CPZ: variants seen among roughly 807,000 people sequenced by gnomAD.
CPZ encodes carboxypeptidase Z.
In CPZ, 103 loss-of-function variants were observed where a neutral mutation model predicts 61.8. That is an observed-to-expected ratio of 1.67 (90% CI 1.42 to 1.96). CPZ has a LOEUF of 1.96. CPZ is among the 30% of genes most tolerant of loss of function. The pLI, the probability that CPZ is intolerant of heterozygous loss-of-function variation, is 0.00. For synonymous variants in CPZ, 551 were observed against 373.7 expected, an observed-to-expected ratio of 1.47 and a Z score of -5.47; for missense variants, 1,461 against 914.9, an observed-to-expected ratio of 1.60 and a Z score of -7.70.
At chr4:8,605,943 C>T (rs796447794) in intron 4 of CPZ, 46 bp from the exon 5 acceptor site, 3 of 1,578,710 alleles carry the variant, frequency 1.9e-6, no homozygotes, top group Admixed American at 1.7e-5. Context: ...CCTTTGGGGA[C>T]CCCCGGCTTT....
intron 7 of CPZ, among the ~76,000 whole-genome samples, chr4:8,611,590 T>C (rs1035059800): frequency 2.0e-5 from 3 of 152,170 alleles, no homozygotes; most frequent in Non-Finnish European, 2.9e-5. Flanking sequence ...TGATTATTCA[T>C]AGAAGTAGTT....
chr4:8,593,785 T>G (rs1270116873), intron 1 of CPZ, among the ~76,000 whole-genome samples: 1 of 152,258 alleles, frequency 6.6e-6, no homozygotes, highest in African/African-American at 2.4e-5. Flanking sequence ...CCCACCCCAG[T>G]GCGCTGTGTC....
chr4:8,613,085 C>T (rs6828725), intron 8 of CPZ, among the ~76,000 whole-genome samples: 3,939 of 151,976 alleles, frequency 0.026, 189 homozygotes, highest in African/African-American at 0.09. Flanking sequence ...TGACTGGGGT[C>T]TGCAACAGAC....
intron 9 of CPZ, among the ~76,000 whole-genome samples, chr4:8,617,010 C>G (rs1184358265): frequency 1.3e-5 from 2 of 152,176 alleles, no homozygotes; most frequent in Non-Finnish European, 2.9e-5. Flanking sequence ...GAGATAAGTG[C>G]TAGCATGTGC....
chr4:8,612,186 T>TGGGGTGGGGGTGGGGGG, intron 8 of CPZ, 24 bp downstream of exon 8: 1 of 179,708 alleles, frequency 5.6e-6, no homozygotes. Flanking sequence ...AGGGCGGGAC[T>TGGGGTGGGGGTGGGGGG]GGGCGGGGGG....
At chr4:8,601,569 GA>G in intron 3 of CPZ, 72 bp downstream of exon 3, 1 of 1,388,064 alleles carries the variant, frequency 7.2e-7, no homozygotes. Context: ...AGCCACACTG[GA>G]AGGAACTTGA....
intron 7 of CPZ, among the ~76,000 whole-genome samples, chr4:8,610,439 G>A (rs1715554858): frequency 6.6e-6 from 1 of 152,148 alleles, no homozygotes; most frequent in Admixed American, 6.5e-5. Context: ...GCAAGGGCAG[G>A]GAGGAGGGAC....
At chr4:8,612,457 A>C (rs1340673313) in intron 8 of CPZ, among the ~76,000 whole-genome samples, 1 of 152,200 alleles carries the variant, frequency 6.6e-6, no homozygotes, top group Non-Finnish European at 1.5e-5. Context: ...ACATTAGGGA[A>C]GTGGAGTTGC....
In CPZ at chr4:8,607,195, T is replaced by A. The variant is rs1715108181; in HGVS notation, c.1069-72T>A. The A allele has an allele frequency of 6.6e-6, 10 of 1,526,422 alleles. No homozygotes were observed. In the East Asian group the frequency reaches 2.3e-4, roughly 35 times the overall value. The allele number at this position is 1,526,422 out of a possible 1,614,324, so 94.6% of individuals were successfully genotyped here. A position where few individuals can be genotyped will look rare whatever the true frequency, so the allele number is the denominator to read the frequency against. ...GCACCATTGGAGCCCAGAGGGCTGC[T>A]GAAGCCCAGGGCATGGCTGCGGGCC... is the stretch of plus-strand genomic sequence containing the variant. On this transcript the variant is annotated intron_variant, in intron 6 of 10. Coordinates refer to ENST00000360986, the MANE Select transcript of CPZ (RefSeq NM_001014447.3).
At chr4:8,614,532 C>T (rs768857213) in intron 9 of CPZ, 34 bp downstream of exon 9, 6 of 1,605,294 alleles carry the variant, frequency 3.7e-6, no homozygotes, top group Non-Finnish European at 5.1e-6. Context: ...TCTGGTCCAG[C>T]TGTGGCCTGG....
At chr4:8,608,641 C>CATGTGTGTGTGTGTATGCCT (rs1553877468) in intron 7 of CPZ, among the ~76,000 whole-genome samples, 20 of 151,418 alleles carry the variant, frequency 1.3e-4, no homozygotes, top group East Asian at 4.0e-4. Context: ...TGTGAGTGCA[C>CATGTGTGTGTGTGTATGCCT]GTGTGTGCGT....
intron 1 of CPZ, among the ~76,000 whole-genome samples, chr4:8,593,163 G>A (rs1367883911): frequency 6.6e-6 from 1 of 152,196 alleles, no homozygotes; most frequent in African/African-American, 2.4e-5. Flanking sequence ...GCAGCAGAGG[G>A]TCACCACGCC....
intron 1 of CPZ, among the ~76,000 whole-genome samples, chr4:8,596,984 C>T (rs549043145): frequency 1.2e-4 from 19 of 152,364 alleles, no homozygotes; most frequent in African/African-American, 4.3e-4. Context: ...CAGCTCAGGG[C>T]CAGGCCACGC....
At position 8,612,036 on chromosome 4, in the gene CPZ, C is replaced by G. The variant is rs754034140; in HGVS notation, c.1237C>G (p.Leu413Val). The G allele has an allele frequency of 1.2e-6, 2 of 1,614,020 alleles. No individual in the cohort carries two copies. The highest frequency in any genetic ancestry group is 2.2e-5 in the East Asian group (1 of 44,882). Residue 413 changes from leucine to valine, a missense_variant, in exon 8 of 11, where the codon CTG becomes GTG. By Grantham distance (32) the Leu-to-Val change is conservative. Coordinates refer to ENST00000360986, the MANE Select transcript of CPZ (RefSeq NM_001014447.3). The stretch of plus-strand genomic sequence containing the variant: ...CAGGTTTCTTTTCCAGATGTTCAAG[C>G]TGCTGTCCAGAGCCTACGCTGACGT... ...SPTPDEKMFK[L>V]LSRAYADVHP...
At position 8,606,195 on chromosome 4, in the gene CPZ, C is replaced by T; in HGVS notation, c.906+10C>T. ...GGTGGCAGCTGCCGAGGTGAGCGCCCAGATGCCTGGATCCTGTGGGCCACC... is the reference window on the plus strand; with the variant it reads ...GGTGGCAGCTGCCGAGGTGAGCGCCTAGATGCCTGGATCCTGTGGGCCACC... On this transcript the variant is annotated intron_variant, in intron 5 of 10. Transcript: ENST00000360986. 1.9e-6 allele frequency: 3 copies of T among 1,610,710 alleles called. No individual in the cohort carries two copies. Among genetic ancestry groups the T allele is most frequent in the Non-Finnish European group, 2.5e-6 (3 of 1,178,236 alleles).
At chr4:8,597,172 G>A (rs1479454832) in intron 1 of CPZ, among the ~76,000 whole-genome samples, 1 of 152,162 alleles carries the variant, frequency 6.6e-6, no homozygotes, top group East Asian at 1.9e-4. Flanking sequence ...CTGCCAGAGT[G>A]GCCCCACTGG....
At chr4:8,592,987 C>A in intron 1 of CPZ, 66 bp downstream of exon 1, 2 of 1,301,754 alleles carry the variant, frequency 1.5e-6, no homozygotes, top group Middle Eastern at 1.8e-4. Flanking sequence ...TGTGATCCGT[C>A]GCTTCCCAGG....
intron 7 of CPZ, among the ~76,000 whole-genome samples, chr4:8,609,310 C>T (rs1179234192): frequency 1.6e-5 from 2 of 125,770 alleles, no homozygotes; most frequent in Non-Finnish European, 3.6e-5. Context: ...TCCATTCACT[C>T]ATGCACTTAT....
In CPZ at chr4:8,592,775, C is replaced by T. The variant is rs1713873242; in HGVS notation, c.-59C>T. 3 of 1,241,494 alleles carry T rather than the reference C, an allele frequency of 2.4e-6. No individual in the cohort carries two copies. Among genetic ancestry groups the T allele is most frequent in the Non-Finnish European group, 3.1e-6 (3 of 956,144 alleles). 76.9% of individuals were successfully genotyped at this position (1,241,494 alleles called of 1,614,324 possible). A position where few individuals can be genotyped will look rare whatever the true frequency, so the allele number is the denominator to read the frequency against. On this transcript the variant is annotated 5_prime_UTR_variant, in exon 1 of 11. Coordinates refer to ENST00000360986, the MANE Select transcript of CPZ (RefSeq NM_001014447.3). ...GAGCCCAGCGAGCGCAGAGCCCCGG[C>T]CCCGCGCGGCCCGAGTGCCACATCA...
Sources: allele counts gnomAD v4.1 joint callset (sites outside exome capture counted in the v4.1 genomes callset), GRCh38; gene constraint gnomAD v4.1.1; transcripts MANE v1.5; gene names NCBI Gene and HGNC (gene_info 2026-07-23, HGNC 2026-07-21).